RIMS1: variants seen among roughly 807,000 people sequenced by gnomAD.
RIMS1 encodes the protein regulating synaptic membrane exocytosis protein 1.
In RIMS1, 83 loss-of-function variants were observed where a neutral mutation model predicts 214.1. The observed-to-expected ratio is 0.39, with a 90% CI of 0.32 to 0.47. RIMS1 has a LOEUF of 0.47. Among genes scored for constraint, RIMS1 ranks in the 20% least tolerant of loss-of-function variants. RIMS1 has a pLI of 0.99. For missense variants in RIMS1, 2,050 were observed against 2,161.8 expected, an observed-to-expected ratio of 0.95 and a Z score of 1.03; for synonymous variants, 793 against 786.8, an observed-to-expected ratio of 1.01 and a Z score of -0.13.
intron 29 of RIMS1, among the ~76,000 whole-genome samples, chr6:72,364,551 A>AT (rs2097923965): frequency 6.6e-6 from 1 of 152,138 alleles, no homozygotes; most frequent in Admixed American, 6.5e-5. Context: ...ATATTGGCTA[A>AT]ACCACATAGT....
At chr6:72,100,905 A>AT (rs958804320) in intron 4 of RIMS1, among the ~76,000 whole-genome samples, 25 of 151,902 alleles carry the variant, frequency 1.6e-4, no homozygotes, top group Non-Finnish European at 3.2e-4. Flanking sequence ...ATGCTTATTG[A>AT]TTTTTTCTAT....
chr6:72,246,862 G>A (rs1431387419), intron 11 of RIMS1, among the ~76,000 whole-genome samples: 3 of 152,014 alleles, frequency 2.0e-5, no homozygotes, highest in African/African-American at 7.3e-5. Context: ...TGAGACTTAA[G>A]GAAAATGTAT....
At chr6:72,261,127 A>C in intron 19 of RIMS1, 2 of 1,171,376 alleles carry the variant, frequency 1.7e-6, no homozygotes, top group Non-Finnish European at 2.1e-6. Context: ...AAGAGGTCTA[A>C]TCTGTGTATG....
At chr6:72,005,282 T>C (rs955868613) in intron 2 of RIMS1, among the ~76,000 whole-genome samples, 2 of 152,210 alleles carry the variant, frequency 1.3e-5, no homozygotes, top group Non-Finnish European at 2.9e-5. Context: ...AGCCTTGTAG[T>C]ATAATTTGAA....
intron 9 of RIMS1, among the ~76,000 whole-genome samples, chr6:72,240,666 T>C (rs2066455063): frequency 6.7e-6 from 1 of 148,928 alleles, no homozygotes; most frequent in Admixed American, 6.7e-5. Flanking sequence ...GTGAAGTATA[T>C]TCATTGCCTA....
At chr6:72,240,877 G>A (rs929255273) in intron 9 of RIMS1, among the ~76,000 whole-genome samples, 20 of 151,904 alleles carry the variant, frequency 1.3e-4, no homozygotes, top group African/African-American at 4.4e-4. Flanking sequence ...TTAGCTGGGC[G>A]TGGTGGTGCA....
rs191261779 is a variant in RIMS1 at position 71,952,368 on chromosome 6, A to T, written c.165-16615A>T. On this transcript the variant is annotated intron_variant, in intron 1 of 33. Coordinates refer to ENST00000521978, the MANE Select transcript of RIMS1 (RefSeq NM_014989.7). ...AGCAAATATATATTGAGCACCTATT[A>T]TGTGCCAGACAATTTTCTAGGAACT... is the stretch of plus-strand genomic sequence containing the variant. Among the ~76,000 whole-genome samples the T allele has an allele frequency of 6.7e-3, 1,017 of 152,330 alleles. 6 individuals are homozygous for T. The highest frequency in any genetic ancestry group is 0.019 in the South Asian group (91 of 4,832).
At chr6:72,025,693 T>G (rs967712573) in intron 2 of RIMS1, among the ~76,000 whole-genome samples, 6 of 152,194 alleles carry the variant, frequency 3.9e-5, no homozygotes, top group Admixed American at 2.0e-4. Context: ...TACCCCTAAA[T>G]GTAGTGTCTC....
At chr6:72,289,042 A>C (rs2092890667) in intron 24 of RIMS1, among the ~76,000 whole-genome samples, 1 of 152,206 alleles carries the variant, frequency 6.6e-6, no homozygotes, top group South Asian at 2.1e-4. Context: ...ATTGCTTTTT[A>C]TACTTTTGCC....
At chr6:72,202,911 TA>T (rs2052270575) in intron 6 of RIMS1, among the ~76,000 whole-genome samples, 1 of 152,218 alleles carries the variant, frequency 6.6e-6, no homozygotes, top group African/African-American at 2.4e-5. Context: ...TTGTAAAGAT[TA>T]AATGAGATTA....
intron 22 of RIMS1, among the ~76,000 whole-genome samples, chr6:72,268,576 T>C (rs2081623731): frequency 6.6e-6 from 1 of 152,174 alleles, no homozygotes; most frequent in African/African-American, 2.4e-5. Flanking sequence ...CTCAATATAA[T>C]ACTTTTCTAA....
chr6:72,046,378 A>G (rs1823054283), intron 2 of RIMS1, among the ~76,000 whole-genome samples: 1 of 152,060 alleles, frequency 6.6e-6, no homozygotes, highest in African/African-American at 2.4e-5. Context: ...CCATGTTTAG[A>G]TGCTGGAGTC....
intron 22 of RIMS1, among the ~76,000 whole-genome samples, chr6:72,272,530 T>C (rs758213488): frequency 6.6e-6 from 1 of 152,156 alleles, no homozygotes; most frequent in Non-Finnish European, 1.5e-5. Context: ...TCGTTTAAAA[T>C]TACCTTTTAA....
intron 1 of RIMS1, among the ~76,000 whole-genome samples, chr6:71,895,061 T>G (rs551997357): frequency 6.6e-6 from 1 of 152,182 alleles, no homozygotes; most frequent in Admixed American, 6.5e-5. Context: ...ATCTGTACTG[T>G]CATATAAAAG....
At position 72,136,365 on chromosome 6, in the gene RIMS1, A is replaced by G. The variant is rs1475217932; in HGVS notation, c.471+36379A>G. ...CTTACACAAATATGCATCTTGGTGG[A>G]ATTTTATTACTCTTAGTATAAACAG... On this transcript the variant is annotated intron_variant, in intron 4 of 33. Transcript: ENST00000521978. Among the ~76,000 whole-genome samples, 8 of 152,136 alleles carry G rather than the reference A, an allele frequency of 5.3e-5. 1 individual carries two copies. The South Asian group carries it at 1.7e-3, about 32-fold the overall frequency.
Position 72,155,763 on chromosome 6 carries a change from C to T in RIMS1, c.472-23812C>T, listed in dbSNP as rs2044356276. On this transcript the variant is annotated intron_variant, in intron 4 of 33. Transcript: ENST00000521978. ...AGACCTGACCCCATAATTCAATCAC[C>T]TCCCACCAGGTTCCTCCCATGACAT... Among the ~76,000 whole-genome samples, 2 of 140,346 alleles carry T rather than the reference C, an allele frequency of 1.4e-5. 1 individual carries two copies. The highest frequency in any genetic ancestry group is 4.9e-5 in the African/African-American group (2 of 40,618). The allele number at this position is 140,346 out of a possible 152,430, so 92.1% of individuals were successfully genotyped here.
chr6:72,006,124 C>T (rs1050355377), intron 2 of RIMS1, among the ~76,000 whole-genome samples: 2 of 152,152 alleles, frequency 1.3e-5, no homozygotes, highest in Non-Finnish European at 2.9e-5. Context: ...GAAGCAAACT[C>T]TCATGTCCAT....
At position 72,258,250 on chromosome 6, in the gene RIMS1, C is replaced by T. The variant is rs764444309; in HGVS notation, c.2896C>T (p.Arg966Cys). 18 of 1,613,370 alleles carry T rather than the reference C, an allele frequency of 1.1e-5. No individual in the cohort carries two copies. The highest frequency in any genetic ancestry group is 2.2e-5 in the East Asian group (1 of 44,854). Residue 966 changes from arginine to cysteine, a missense_variant, in exon 17 of 34, where the codon CGT (arginine) becomes TGT (cysteine). This residue lies in a region of RIMS1 where 889 missense variants were observed against 885.5 expected (regional missense o/e 1.00). Transcript: ENST00000521978. ...TCGCGGCAATGATCAGGGAAAGCCGCGTTCACGTTTACCAAATGTGCCATT... is the reference window on the plus strand; with the variant it reads ...TCGCGGCAATGATCAGGGAAAGCCGTGTTCACGTTTACCAAATGTGCCATT... ...PHRGNDQGKP[R>C]SRLPNVPLQR...
At chr6:72,167,925 T>A (rs2046492573) in intron 4 of RIMS1, among the ~76,000 whole-genome samples, 1 of 151,944 alleles carries the variant, frequency 6.6e-6, no homozygotes, top group Non-Finnish European at 1.5e-5. Flanking sequence ...AGTTTATATT[T>A]CATTTATTTT....
Sources: gnomAD v4.1 joint callset for allele counts (sites outside exome capture counted in the v4.1 genomes callset) on GRCh38, gnomAD v4.1.1 for gene constraint, gnomAD v4.1.1 regional missense constraint, MANE v1.5 for transcripts, NCBI Gene and HGNC (gene_info 2026-07-23, HGNC 2026-07-21) for gene names.